The following NR2F1-AS1 variants were observed in gnomAD, a reference collection of about 807,000 sequenced individuals.
NR2F1-AS1 encodes NR2F1 regulatory antisense RNA 1.
intron 4 of NR2F1-AS1, among the ~76,000 whole-genome samples, chr5:93,501,356 A>AT (rs70975858): frequency 0.89 from 122,505 of 137,234 alleles, 54,853 homozygotes; most frequent in South Asian, 0.96. Context: ...GTTTGGGGGA[A>AT]TTTTTTTTTT....
chr5:93,482,754 A>T (rs1215026118), intron 4 of NR2F1-AS1, among the ~76,000 whole-genome samples: 1 of 152,156 alleles, frequency 6.6e-6, no homozygotes, highest in Non-Finnish European at 1.5e-5. Context: ...GGGACGCTCT[A>T]GCTTGGTGGA....
intron 4 of NR2F1-AS1, among the ~76,000 whole-genome samples, chr5:93,498,321 T>C (rs1295752167): frequency 6.6e-6 from 1 of 152,124 alleles, no homozygotes; most frequent in East Asian, 1.9e-4. Flanking sequence ...GCCTTGTTTT[T>C]TCCTCTAGCT....
At chr5:93,458,577 A>T (rs1398627870) in intron 4 of NR2F1-AS1, among the ~76,000 whole-genome samples, 13 of 152,212 alleles carry the variant, frequency 8.5e-5, no homozygotes, top group Admixed American at 7.9e-4. Flanking sequence ...AAACTCCCAG[A>T]AGAAAATATA....
At chr5:93,561,210 T>C (rs1752479429) in intron 2 of NR2F1-AS1, among the ~76,000 whole-genome samples, 1 of 151,950 alleles carries the variant, frequency 6.6e-6, no homozygotes. Context: ...GAGGCAGAGG[T>C]TGCGGTAAGC....
In NR2F1-AS1 at chr5:93,539,372, T is replaced by A. The variant is rs1231819399; in HGVS notation, n.638+14389A>T. Among the ~76,000 whole-genome samples, 3 of 152,018 alleles carry A rather than the reference T, an allele frequency of 2.0e-5. No homozygotes were observed. In the South Asian group the frequency reaches 6.2e-4, roughly 31 times the overall value. On this transcript the variant is annotated intron_variant and non_coding_transcript_variant, in intron 4 of 5. Transcript: ENST00000660523. ...ATCAACCTATGTATTCAACAACAGA[T>A]GAATGGATAAAGACAATGTGGTATA...
At chr5:93,538,286 AATAT>A (rs1472147926) in intron 4 of NR2F1-AS1, among the ~76,000 whole-genome samples, 1 of 152,148 alleles carries the variant, frequency 6.6e-6, no homozygotes, top group East Asian at 1.9e-4. Flanking sequence ...CAGCCTGGAC[AATAT>A]AGTAAAACTC....
At chr5:93,502,263 A>G (rs994555883) in intron 4 of NR2F1-AS1, among the ~76,000 whole-genome samples, 1 of 152,146 alleles carries the variant, frequency 6.6e-6, no homozygotes, top group African/African-American at 2.4e-5. Flanking sequence ...AATATCTCTG[A>G]GGTATGTCTG....
chr5:93,440,396 G>C (rs1749541784), intron 4 of NR2F1-AS1, among the ~76,000 whole-genome samples: 1 of 152,246 alleles, frequency 6.6e-6, no homozygotes, highest in African/African-American at 2.4e-5. Flanking sequence ...AATGTGGATG[G>C]GCGTTGAGCA....
At chr5:93,578,386 T>G (rs545093388) in intron 1 of NR2F1-AS1, among the ~76,000 whole-genome samples, 1 of 152,092 alleles carries the variant, frequency 6.6e-6, no homozygotes, top group South Asian at 2.1e-4. Context: ...GAGCGGTACC[T>G]TCTCATCGCC....
chr5:93,420,542 T>A (rs1436890150), intron 4 of NR2F1-AS1, among the ~76,000 whole-genome samples: 4 of 151,868 alleles, frequency 2.6e-5, no homozygotes, highest in Admixed American at 6.6e-5. Flanking sequence ...TCAAGAAGAA[T>A]TGAAAGAAAG....
chr5:93,535,791 A>G (rs1365900903), intron 4 of NR2F1-AS1, among the ~76,000 whole-genome samples: 2 of 152,160 alleles, frequency 1.3e-5, no homozygotes, highest in Non-Finnish European at 2.9e-5. Context: ...ACTTCTCTCC[A>G]TGATAAAAAC....
intron 4 of NR2F1-AS1, among the ~76,000 whole-genome samples, chr5:93,541,643 C>T (rs1038450661): frequency 3.9e-5 from 6 of 152,088 alleles, no homozygotes; most frequent in Non-Finnish European, 7.4e-5. Flanking sequence ...AAAATTTGAA[C>T]ATCAGCACCA....
At chr5:93,458,935 A>C (rs1260206568) in intron 4 of NR2F1-AS1, among the ~76,000 whole-genome samples, 1 of 151,836 alleles carries the variant, frequency 6.6e-6, no homozygotes, top group Non-Finnish European at 1.5e-5. Flanking sequence ...TCGCTTGAAC[A>C]CAGGAGGCAA....
At chr5:93,421,084 A>C (rs1397816730) in intron 4 of NR2F1-AS1, among the ~76,000 whole-genome samples, 7 of 152,220 alleles carry the variant, frequency 4.6e-5, no homozygotes, top group Admixed American at 1.3e-4. Context: ...GAGTGATTTA[A>C]GCTTGACTGG....
intron 4 of NR2F1-AS1, among the ~76,000 whole-genome samples, chr5:93,532,358 T>C (rs1397981531): frequency 1.3e-5 from 2 of 152,160 alleles, no homozygotes; most frequent in African/African-American, 4.8e-5. Flanking sequence ...TTAGTTTTTA[T>C]AAAATTCCTT....
At chr5:93,524,397 T>C (rs746630253) in intron 4 of NR2F1-AS1, among the ~76,000 whole-genome samples, 4 of 152,094 alleles carry the variant, frequency 2.6e-5, no homozygotes, top group Non-Finnish European at 5.9e-5. Context: ...TATCTGAAAG[T>C]GATGAGCAGA....
chr5:93,490,225 T>C (rs527286121), intron 4 of NR2F1-AS1, among the ~76,000 whole-genome samples: 17 of 152,380 alleles, frequency 1.1e-4, no homozygotes, highest in African/African-American at 3.8e-4. Context: ...GCCCTTTAAA[T>C]GTCAAATACC....
chr5:93,474,948 A>G (rs1750448596), intron 4 of NR2F1-AS1, among the ~76,000 whole-genome samples: 1 of 151,966 alleles, frequency 6.6e-6, no homozygotes, highest in South Asian at 2.1e-4. Context: ...ACACGGTGAA[A>G]CCCCGTCTCT....
intron 4 of NR2F1-AS1, among the ~76,000 whole-genome samples, chr5:93,429,171 G>C (rs759685572): frequency 1.3e-5 from 2 of 151,926 alleles, no homozygotes; most frequent in Non-Finnish European, 2.9e-5. Flanking sequence ...ACTCATTCTT[G>C]GTACTCTTAT....
Sources: gnomAD v4.1 joint callset for allele counts (sites outside exome capture counted in the v4.1 genomes callset) on GRCh38, gnomAD v4.1.1 for gene constraint, MANE v1.5 for transcripts, NCBI Gene and HGNC (gene_info 2026-07-23, HGNC 2026-07-21) for gene names.